PTPRS: variants seen among roughly 807,000 people sequenced by gnomAD.
PTPRS encodes protein tyrosine phosphatase receptor type S.
A neutral mutation model predicts 215.3 loss-of-function variants in PTPRS; 63 were observed. That is an observed-to-expected ratio of 0.29 (90% CI 0.24 to 0.36). The LOEUF (loss-of-function observed/expected upper bound fraction) is 0.36. PTPRS is among the 10% of genes least tolerant of loss of function. PTPRS has a pLI of 1.00. For missense variants in PTPRS, 2,258 were observed against 2,825.8 expected, an observed-to-expected ratio of 0.80 and a Z score of 4.56; for synonymous variants, 1,404 against 1,191.4, an observed-to-expected ratio of 1.18 and a Z score of -3.68.
intron 4 of PTPRS, among the ~76,000 whole-genome samples, chr19:5,268,189 ATTAATT>A (rs894507356): frequency 1.8e-4 from 11 of 62,622 alleles, no homozygotes; most frequent in African/African-American, 4.9e-4. Context: ...AAATAAATAA[ATTAATT>A]AATTAATTAA....
intron 1 of PTPRS, among the ~76,000 whole-genome samples, chr19:5,337,691 A>C (rs1269289692): frequency 6.6e-6 from 1 of 152,116 alleles, no homozygotes; most frequent in African/African-American, 2.4e-5. Flanking sequence ...AAGAAGAAAA[A>C]AATGGGTGCA....
intron 13 of PTPRS, among the ~76,000 whole-genome samples, chr19:5,233,654 A>G (rs1457328699): frequency 2.6e-5 from 4 of 151,166 alleles, no homozygotes; most frequent in African/African-American, 9.7e-5. Flanking sequence ...TAATAGCATA[A>G]GAATCTCGGC....
Position 5,293,730 on chromosome 19 carries a change from C to A in PTPRS, c.-94-7496G>T, listed in dbSNP as rs1337251515. Among the ~76,000 whole-genome samples, 5 of 152,172 alleles carry A rather than the reference C, an allele frequency of 3.3e-5. No individual in the cohort carries two copies. Among genetic ancestry groups the A allele is most frequent in the African/African-American group, 1.2e-4 (5 of 41,446 alleles). On this transcript the variant is annotated intron_variant, in intron 1 of 37. Transcript: ENST00000262963. This position sits in a 1 kb window ranked among gnomAD's most constrained non-coding sequence, Gnocchi z 8.4. ...GGGCGGGGGGCGTCCCCTCTTCCCC[C>A]TCTTAGACCAGAGGGTAGGGGAGAG...
At chr19:5,240,675 T>C (rs2043956826) in intron 11 of PTPRS, among the ~76,000 whole-genome samples, 1 of 151,278 alleles carries the variant, frequency 6.6e-6, no homozygotes, top group South Asian at 2.1e-4. Flanking sequence ...TCGTCTCTAC[T>C]AAAAATACAA....
Position 5,216,722 on chromosome 19 carries a change from T to G in PTPRS, c.4094A>C (p.Glu1365Ala), listed in dbSNP as rs775461256. 7.7e-6 allele frequency: 12 copies of G among 1,568,090 alleles called. No homozygotes were observed. Among genetic ancestry groups the G allele is most frequent in the Non-Finnish European group, 9.5e-6 (11 of 1,153,884 alleles). Residue 1365 changes from glutamate to alanine, a missense_variant and splice_region_variant, in exon 26 of 38, where the codon GAA (glutamate) becomes GCA (alanine). Transcript: ENST00000262963. ...CAAAAACAGACACAAGAACTAACTT[T>G]CAAAGTGAAACCCCGGCTCCCTGAG... ...SPLREPGFHF[E>A]SMLSHPPIPI...
At chr19:5,221,972 G>A (rs1236907534) in intron 19 of PTPRS, 151 bp downstream of exon 19, 5 of 646,038 alleles carry the variant, frequency 7.7e-6, no homozygotes, top group African/African-American at 1.8e-5. Context: ...CTGATTCCCA[G>A]TATTGACTAA....
intron 25 of PTPRS, among the ~76,000 whole-genome samples, chr19:5,217,118 G>A (rs2041547619): frequency 6.6e-6 from 1 of 152,272 alleles, no homozygotes; most frequent in Non-Finnish European, 1.5e-5. Context: ...GCAGGATGGT[G>A]AAGGAGAAGC....
rs2048450796 is a variant in PTPRS at position 5,287,610 on chromosome 19, T to C, written c.-94-1376A>G. On this transcript the variant is annotated intron_variant, in intron 1 of 37. Transcript: ENST00000262963. This position sits in a 1 kb window ranked among gnomAD's most constrained non-coding sequence, Gnocchi z 4.8. Reference sequence around the variant, plus strand: ...GGGTCCAGGCCGTGACCACAGGAACTGGTGGCGCATAATAACGGGGCAGCC... The same window carrying C: ...GGGTCCAGGCCGTGACCACAGGAACCGGTGGCGCATAATAACGGGGCAGCC... 2.0e-5 allele frequency among the ~76,000 whole-genome samples: 3 copies of C among 152,154 alleles called. No homozygotes were observed. The South Asian group carries it at 6.2e-4, about 32-fold the overall frequency.
At chr19:5,253,001 A>C (rs1438780270) in intron 9 of PTPRS, among the ~76,000 whole-genome samples, 2 of 152,152 alleles carry the variant, frequency 1.3e-5, no homozygotes, top group East Asian at 3.8e-4. Flanking sequence ...ACTACGTTTC[A>C]ATAATGCTAT....
At chr19:5,322,757 T>C (rs1007686757) in intron 1 of PTPRS, among the ~76,000 whole-genome samples, 1 of 151,030 alleles carries the variant, frequency 6.6e-6, no homozygotes, top group African/African-American at 2.4e-5. Flanking sequence ...CGCACGCCTA[T>C]AATCCCAGCT....
chr19:5,226,786 A>G (rs1009349228), intron 16 of PTPRS, among the ~76,000 whole-genome samples: 7 of 152,028 alleles, frequency 4.6e-5, no homozygotes, highest in African/African-American at 1.7e-4. Flanking sequence ...ACAATCAACT[A>G]AGTTATATTG....
At position 5,215,421 on chromosome 19, in the gene PTPRS, G is replaced by A. The variant is rs750272716; in HGVS notation, c.4195-9C>T. 1.9e-6 allele frequency: 3 copies of A among 1,613,548 alleles called. No individual in the cohort carries two copies. The East Asian group carries it at 6.7e-5, about 36-fold the overall frequency. The stretch of plus-strand genomic sequence containing the variant: ...TGTCCAGGGTCGATGGACTACAGAG[G>A]AAGGGGAGAGCGCGGGTGTCAGGGT... On this transcript the variant is annotated splice_polypyrimidine_tract_variant and intron_variant, in intron 27 of 37. Coordinates refer to ENST00000262963, the MANE Select transcript of PTPRS (RefSeq NM_002850.4).
At position 5,286,507 on chromosome 19, in the gene PTPRS, C is replaced by T. The variant is rs182591814; in HGVS notation, c.-94-273G>A. The T allele has an allele frequency of 1.3e-4, 38 of 281,666 alleles. 1 individual carries two copies. In the Admixed American group the frequency reaches 1.6e-3, roughly 12 times the overall value. The allele number at this position is 281,666 out of a possible 1,614,324, so 17.4% of individuals were successfully genotyped here. ...TGGAGTGTTTGGGAAGTGACTAGGTCATGAGAGCAGAGACCTCATGAACGG... is the reference window on the plus strand; with the variant it reads ...TGGAGTGTTTGGGAAGTGACTAGGTTATGAGAGCAGAGACCTCATGAACGG... On this transcript the variant is annotated intron_variant, in intron 1 of 37. Transcript: ENST00000262963.
At position 5,244,555 on chromosome 19, in the gene PTPRS, A is replaced by G. The variant is rs1009187881; in HGVS notation, c.989-73T>C. On this transcript the variant is annotated intron_variant, in intron 10 of 37. Transcript: ENST00000262963. The surrounding 1 kb of genome is among the most constrained non-coding windows in gnomAD (Gnocchi z 7.2). ...GACCCTGAAGGCTGTGTGACTTTTCACCATTCAGTCGCCTTCTCTGAGCCT... is the reference window on the plus strand; with the variant it reads ...GACCCTGAAGGCTGTGTGACTTTTCGCCATTCAGTCGCCTTCTCTGAGCCT... The G allele has an allele frequency of 3.9e-6, 5 of 1,275,968 alleles. No homozygotes were observed. The highest frequency in any genetic ancestry group is 2.9e-5 in the African/African-American group (2 of 67,852). 79.0% of individuals were successfully genotyped at this position (1,275,968 alleles called of 1,614,324 possible). A position where few individuals can be genotyped will look rare whatever the true frequency, so the allele number is the denominator to read the frequency against.
chr19:5,328,964 A>G (rs2050242731), intron 1 of PTPRS, among the ~76,000 whole-genome samples: 1 of 152,210 alleles, frequency 6.6e-6, no homozygotes, highest in Non-Finnish European at 1.5e-5. Flanking sequence ...TAGACGTGGC[A>G]ATGCTGGTAC....
At chr19:5,238,289 C>A (rs1177216783) in intron 13 of PTPRS, among the ~76,000 whole-genome samples, 1 of 152,094 alleles carries the variant, frequency 6.6e-6, no homozygotes, top group African/African-American at 2.4e-5. Context: ...GGAGGCCGGG[C>A]CGGCACAGCA....
rs141697567 is a variant in PTPRS, at chr19:5,240,204, G to A, written c.1699C>T (p.Arg567Trp). The A allele has an allele frequency of 3.8e-5, 58 of 1,543,490 alleles. No homozygotes were observed. Among genetic ancestry groups the A allele is most frequent in the Non-Finnish European group, 4.6e-5 (53 of 1,144,172 alleles). The change falls in exon 12 of 38, where the codon CGG becomes TGG. Residue 567 changes from arginine to tryptophan, a missense_variant. Physicochemically the swap from Arg to Trp is moderately radical, Grantham distance 101. Transcript: ENST00000262963. ...ELLFREGDHGREVGRTFDPTT... is the reference protein window; with the variant it reads ...ELLFREGDHGWEVGRTFDPTT... ...CCGTCCCCGCGCTGCCTCACCTCCC[G>A]GCCATGGTCGCCTTCCCGGAAGAGG...
At chr19:5,330,096 A>G (rs1253493989) in intron 1 of PTPRS, among the ~76,000 whole-genome samples, 2 of 150,890 alleles carry the variant, frequency 1.3e-5, no homozygotes, top group East Asian at 3.9e-4. Flanking sequence ...AAAAAAAAAA[A>G]TTATTAAGAA....
intron 16 of PTPRS, among the ~76,000 whole-genome samples, chr19:5,227,646 C>G (rs1001547376): frequency 6.8e-6 from 1 of 146,434 alleles, no homozygotes; most frequent in Non-Finnish European, 1.5e-5. Flanking sequence ...CTGACTTCAG[C>G]TGATCCACCC....
Sources: gnomAD v4.1 joint callset for allele counts (sites outside exome capture counted in the v4.1 genomes callset) on GRCh38, gnomAD v4.1.1 for gene constraint, Gnocchi (gnomAD v3.1) non-coding constraint, MANE v1.5 for transcripts, NCBI Gene and HGNC (gene_info 2026-07-23, HGNC 2026-07-21) for gene names.